Variants in KIAA2012 observed in about 807,000 individuals in gnomAD.
KIAA2012 encodes KIAA2012, also known as uncharacterized protein KIAA2012.
Under a neutral mutation model 150.6 loss-of-function variants are expected in KIAA2012, and 125 were observed. That is an observed-to-expected ratio of 0.83 (90% CI 0.72 to 0.96). The LOEUF is 0.96. Ranked by LOEUF, KIAA2012 falls within the 40% of genes least tolerant of loss-of-function variation. The pLI is 0.00. For missense variants in KIAA2012, 1,219 were observed against 1,354.9 expected, an observed-to-expected ratio of 0.90 and a Z score of 1.57; for synonymous variants, 462 against 504.7, an observed-to-expected ratio of 0.92 and a Z score of 1.13.
At chr2:202,089,855 T>C (rs562272055) in intron 2 of KIAA2012, among the ~76,000 whole-genome samples, 1 of 152,350 alleles carries the variant, frequency 6.6e-6, no homozygotes, top group Non-Finnish European at 1.5e-5. Flanking sequence ...GTTACAAAGG[T>C]ATATACAATT....
chr2:202,163,418 A>T (rs1691697646), intron 14 of KIAA2012, among the ~76,000 whole-genome samples: 1 of 152,184 alleles, frequency 6.6e-6, no homozygotes, highest in Non-Finnish European at 1.5e-5. Context: ...GTATTCTTAT[A>T]TCTAAAAAAA....
At chr2:202,180,220 G>A (rs534962261) in intron 15 of KIAA2012, among the ~76,000 whole-genome samples, 49 of 146,912 alleles carry the variant, frequency 3.3e-4, no homozygotes, top group Non-Finnish European at 6.2e-4. Flanking sequence ...GCGGAGAGCC[G>A]AGATCGCGAC....
At chr2:202,145,678 C>CTTTT (rs36059685) in intron 13 of KIAA2012, among the ~76,000 whole-genome samples, 52 of 75,322 alleles carry the variant, frequency 6.9e-4, no homozygotes, top group Admixed American at 1.4e-3. Context: ...TTGAGAGGGT[C>CTTTT]TTTTTTTTTT....
intron 15 of KIAA2012, among the ~76,000 whole-genome samples, chr2:202,171,884 C>G (rs1292221397): frequency 8.4e-6 from 1 of 118,590 alleles, no homozygotes; most frequent in East Asian, 2.6e-4. Context: ...GAGTCTTACT[C>G]TGTTGCCCAG....
At chr2:202,181,795 C>T (rs759168337) in intron 15 of KIAA2012, among the ~76,000 whole-genome samples, 23 of 151,966 alleles carry the variant, frequency 1.5e-4, no homozygotes, top group Non-Finnish European at 2.9e-4. Context: ...TTGTTTTTAC[C>T]GTGTGCTGGC....
At chr2:202,142,633 G>A (rs142151276) in intron 13 of KIAA2012, among the ~76,000 whole-genome samples, 2,993 of 152,202 alleles carry the variant, frequency 0.02, 93 homozygotes, top group African/African-American at 0.067. Flanking sequence ...GGCTGTTATC[G>A]TCTTTGTTTC....
intron 13 of KIAA2012, among the ~76,000 whole-genome samples, chr2:202,146,885 G>A (rs1691313892): frequency 6.6e-6 from 1 of 152,176 alleles, no homozygotes; most frequent in Non-Finnish European, 1.5e-5. Context: ...CTGAGGCACA[G>A]TTTCCTCATA....
intron 14 of KIAA2012, among the ~76,000 whole-genome samples, chr2:202,161,062 GAT>G (rs1691645066): frequency 6.6e-6 from 1 of 152,204 alleles, no homozygotes; most frequent in South Asian, 2.1e-4. Flanking sequence ...CCAAGGAAAA[GAT>G]AACCTAAGAT....
chr2:202,166,580 A>G (rs1358430085), intron 15 of KIAA2012, among the ~76,000 whole-genome samples: 1 of 151,700 alleles, frequency 6.6e-6, no homozygotes, highest in East Asian at 1.9e-4. Flanking sequence ...GGAGCCCAGG[A>G]GTTTGAGGCT....
At chr2:202,180,879 G>A (rs757694442) in intron 15 of KIAA2012, among the ~76,000 whole-genome samples, 2 of 152,096 alleles carry the variant, frequency 1.3e-5, no homozygotes, top group African/African-American at 2.4e-5. Flanking sequence ...AGTTCTTTAT[G>A]GTTATAAAAA....
In KIAA2012 at chr2:202,073,661, G is replaced by A. The variant is rs1021427820; in HGVS notation, c.34G>A (p.Gly12Arg). ...GCTCTCCCTCCTGAGCCGGGGCCAC[G>A]GGAAGCTGGGCCAGGACAAACAGAA... ...FTLSLLSRGHGKLGQDKQKLE... is the reference protein window; with the variant it reads ...FTLSLLSRGHRKLGQDKQKLE... Residue 12 changes from glycine (G) to arginine (R), a missense_variant, in exon 1 of 24, where the codon GGG (glycine) becomes AGG (arginine). Transcript: ENST00000498697. 25 of 1,550,276 alleles carry A rather than the reference G, an allele frequency of 1.6e-5. No individual in the cohort carries two copies. In the Admixed American group the frequency reaches 1.8e-4, roughly 11 times the overall value.
intron 22 of KIAA2012, chr2:202,201,922 A>G: frequency 2.4e-6 from 2 of 846,670 alleles, no homozygotes; most frequent in African/African-American, 1.7e-5. Flanking sequence ...GGCATCAGGG[A>G]CGGTTATCTT....
chr2:202,073,776 T>C (rs1689260095), intron 1 of KIAA2012, 65 bp downstream of exon 1: 2 of 1,409,962 alleles, frequency 1.4e-6, no homozygotes, highest in Non-Finnish European at 2.0e-6. Context: ...ATGTTTCCAC[T>C]TGGGAGGTAA....
At chr2:202,080,017 G>A (rs567197782) in intron 2 of KIAA2012, among the ~76,000 whole-genome samples, 20 of 152,330 alleles carry the variant, frequency 1.3e-4, no homozygotes, top group Admixed American at 9.8e-4. Context: ...TAGGAAGGAA[G>A]CCTGGGGCTT....
At chr2:202,085,588 G>T (rs561521280) in intron 2 of KIAA2012, among the ~76,000 whole-genome samples, 1 of 152,266 alleles carries the variant, frequency 6.6e-6, no homozygotes, top group South Asian at 2.1e-4. Context: ...AGGAACTCAG[G>T]CCTGTCAGCA....
chr2:202,113,257 G>A lies in KIAA2012; in HGVS notation c.1652-79G>A. On this transcript the variant is annotated intron_variant, in intron 10 of 23. Coordinates refer to ENST00000498697, the MANE Select transcript of KIAA2012 (RefSeq NM_001277372.4). ...ACGGGTGTGTGCCCGCGGGGGACCA[G>A]GGGAACATGGCCCAGGTTTGGTCTG... 3.6e-6 allele frequency: 4 copies of A among 1,099,886 alleles called. No individual in the cohort carries two copies. In the South Asian group the frequency reaches 5.7e-5, roughly 16 times the overall value. 68.1% of individuals were successfully genotyped at this position (1,099,886 alleles called of 1,614,324 possible). A position where few individuals can be genotyped will look rare whatever the true frequency, so the allele number is the denominator to read the frequency against.
At chr2:202,203,770 G>C (rs995595856) in intron 23 of KIAA2012, among the ~76,000 whole-genome samples, 2 of 144,004 alleles carry the variant, frequency 1.4e-5, no homozygotes, top group Admixed American at 7.1e-5. Flanking sequence ...CTACCAGGAT[G>C]TCTTTTTTTT....
intron 14 of KIAA2012, among the ~76,000 whole-genome samples, chr2:202,163,158 C>T (rs1345567874): frequency 2.5e-4 from 34 of 135,168 alleles, no homozygotes; most frequent in Middle Eastern, 5.0e-3. Context: ...GGCTGGAGTG[C>T]GGTGGTGCGA....
At chr2:202,192,553 G>A (rs1001851458) in intron 19 of KIAA2012, among the ~76,000 whole-genome samples, 4 of 151,452 alleles carry the variant, frequency 2.6e-5, no homozygotes, top group African/African-American at 9.7e-5. Context: ...TGCCTCCCGG[G>A]TTCAAGCAAT....
Sources: allele counts gnomAD v4.1 joint callset (sites outside exome capture counted in the v4.1 genomes callset), GRCh38; gene constraint gnomAD v4.1.1; transcripts MANE v1.5; gene names NCBI Gene and HGNC (gene_info 2026-07-23, HGNC 2026-07-21).